The following MRRF variants were observed in gnomAD, a reference collection of about 807,000 sequenced individuals.
The protein encoded by MRRF is mitochondrial ribosome recycling factor.
Under a neutral mutation model 25.1 loss-of-function variants are expected in MRRF, and 18 were observed. The observed-to-expected ratio is 0.72, with a 90% CI of 0.50 to 1.06. MRRF has a LOEUF of 1.06. Ranked by LOEUF, MRRF falls within the 50% of genes least tolerant of loss-of-function variation. MRRF has a pLI of 0.00. For synonymous variants in MRRF, 113 were observed against 112.1 expected (o/e 1.01, Z -0.05); for missense variants, 323 against 319.3 (o/e 1.01, Z -0.09).
chr9:122,298,925 A>T (rs550319229), intron 5 of MRRF, among the ~76,000 whole-genome samples: 1 of 152,264 alleles, frequency 6.6e-6, no homozygotes, highest in Admixed American at 6.5e-5. Context: ...ATTCAGAGGA[A>T]GGTGATACTT....
chr9:122,284,956 A>T (rs1030961978), intron 3 of MRRF, among the ~76,000 whole-genome samples: 4 of 151,412 alleles, frequency 2.6e-5, no homozygotes, highest in African/African-American at 4.8e-5. Flanking sequence ...CCTGCTAATT[A>T]AAAAAAAATG....
At position 122,326,997 on chromosome 9, in the gene MRRF, A is replaced by T. The variant is rs1232460387; in HGVS notation, c.*4380A>T. ...CCAAGTCTTCGCTGAACACTTACTC[A>T]AAAGGGACCTCGCGCTGTTCTGGAC... On this transcript the variant is annotated 3_prime_UTR_variant, in exon 7 of 7. Coordinates refer to ENST00000344641, the MANE Select transcript of MRRF (RefSeq NM_138777.5). 2 of 152,226 alleles carry T rather than the reference A, an allele frequency of 1.3e-5. No homozygotes were observed. The highest frequency in any genetic ancestry group is 4.8e-5 in the African/African-American group (2 of 41,450). The allele number at this position is 152,226 out of a possible 1,614,324, so 9.4% of individuals were successfully genotyped here. A position where few individuals can be genotyped will look rare whatever the true frequency, so the allele number is the denominator to read the frequency against.
intron 2 of MRRF, among the ~76,000 whole-genome samples, chr9:122,274,136 G>A (rs1465443771): frequency 6.6e-6 from 1 of 152,116 alleles, no homozygotes. Flanking sequence ...TGTGACTGGT[G>A]ATAATAGGCA....
At chr9:122,322,223 C>G (rs943998522) in intron 6 of MRRF, among the ~76,000 whole-genome samples, 1 of 151,924 alleles carries the variant, frequency 6.6e-6, no homozygotes, top group Non-Finnish European at 1.5e-5. Context: ...ATTAGCCGGG[C>G]GCGGTGGCGG....
At chr9:122,304,565 G>A (rs1255889171) in intron 5 of MRRF, among the ~76,000 whole-genome samples, 1 of 152,148 alleles carries the variant, frequency 6.6e-6, no homozygotes, top group African/African-American at 2.4e-5. Flanking sequence ...GGCTACTCTT[G>A]TCTCTGCCCC....
intron 2 of MRRF, among the ~76,000 whole-genome samples, chr9:122,275,605 C>T (rs563515845): frequency 6.6e-6 from 1 of 152,274 alleles, no homozygotes; most frequent in South Asian, 2.1e-4. Context: ...CCACTGCACT[C>T]CAGTCTGGGT....
chr9:122,285,655 A>C (rs1833348537), intron 4 of MRRF: 5 of 716,844 alleles, frequency 7.0e-6, no homozygotes, highest in Non-Finnish European at 1.0e-5. Context: ...GGCACAATGT[A>C]GGCCTGGTAA....
intron 2 of MRRF, among the ~76,000 whole-genome samples, chr9:122,276,608 CTG>C (rs1588013976): frequency 6.6e-6 from 1 of 152,168 alleles, no homozygotes; most frequent in East Asian, 1.9e-4. Context: ...TAATTCTACT[CTG>C]TTCAGAAGGC....
chr9:122,299,850 A>G (rs1834332914), intron 5 of MRRF, among the ~76,000 whole-genome samples: 1 of 151,852 alleles, frequency 6.6e-6, no homozygotes, highest in Non-Finnish European at 1.5e-5. Flanking sequence ...TTATTGATCA[A>G]TTAATCTGTC....
chr9:122,277,142 A>C (rs1002039406), intron 2 of MRRF, among the ~76,000 whole-genome samples: 40 of 152,192 alleles, frequency 2.6e-4, no homozygotes, highest in African/African-American at 9.7e-4. Flanking sequence ...TTACAAGTGT[A>C]AGTCACTGCA....
chr9:122,283,059 G>A (rs186210314), intron 3 of MRRF, among the ~76,000 whole-genome samples: 5 of 150,920 alleles, frequency 3.3e-5, no homozygotes, highest in East Asian at 1.9e-4. Flanking sequence ...CTGTCATTTA[G>A]TATTCATAAA....
Position 122,278,777 on chromosome 9 carries a change from T to C in MRRF, c.185-1666T>C, listed in dbSNP as rs114558812. ...TAATTTGTCTTTTCTCTTGGGCGTTTATAAAGATCTCTTTGTCCTTTGTTT... is the reference window on the plus strand; with the variant it reads ...TAATTTGTCTTTTCTCTTGGGCGTTCATAAAGATCTCTTTGTCCTTTGTTT... On this transcript the variant is annotated intron_variant, in intron 2 of 6. Transcript: ENST00000344641. Among the ~76,000 whole-genome samples the C allele has an allele frequency of 5.2e-3, 790 of 152,350 alleles. 5 individuals carry two copies. The highest frequency in any genetic ancestry group is 0.018 in the African/African-American group (768 of 41,586).
At chr9:122,293,759 C>A (rs150044650) in intron 5 of MRRF, among the ~76,000 whole-genome samples, 1 of 152,116 alleles carries the variant, frequency 6.6e-6, no homozygotes, top group East Asian at 1.9e-4. Context: ...GATGTATAGA[C>A]GTGATGTATG....
At position 122,274,987 on chromosome 9, in the gene MRRF, T is replaced by C. The variant is rs566261022; in HGVS notation, c.184+3912T>C. 1.3e-4 allele frequency among the ~76,000 whole-genome samples: 20 copies of C among 152,214 alleles called. No homozygotes were observed. The South Asian group carries it at 4.1e-3, about 32-fold the overall frequency. On this transcript the variant is annotated intron_variant, in intron 2 of 6. Coordinates refer to ENST00000344641, the MANE Select transcript of MRRF (RefSeq NM_138777.5). ...TTAATTTTTGGTCTTTCCTGTTTTC[T>C]TTTTTTCTTTGAAAAATTTTATTAT...
rs372204704 is a variant in MRRF, at chr9:122,291,405, C to T, written c.460-344C>T. 2.0e-5 allele frequency among the ~76,000 whole-genome samples: 3 copies of T among 152,310 alleles called. No homozygotes were observed. In the East Asian group the frequency reaches 5.8e-4, roughly 29 times the overall value. On this transcript the variant is annotated intron_variant, in intron 4 of 6. Transcript: ENST00000344641. Reference sequence around the variant, plus strand: ...GTATGAAATCTTTCATCTGTCTTTACACCAATCTTTGCAGAGACCAGCCCC... The same window carrying T: ...GTATGAAATCTTTCATCTGTCTTTATACCAATCTTTGCAGAGACCAGCCCC...
chr9:122,286,532 C>T (rs1833418103), intron 4 of MRRF, among the ~76,000 whole-genome samples: 1 of 152,080 alleles, frequency 6.6e-6, no homozygotes, highest in African/African-American at 2.4e-5. Context: ...TAGTGAAACC[C>T]TGGCTCTACA....
At chr9:122,265,593 C>CA (rs1832017209) in intron 1 of MRRF, 1 of 392,682 alleles carries the variant, frequency 2.5e-6, no homozygotes, top group Admixed American at 3.4e-5. Context: ...CATTTCCCCC[C>CA]ATTTTGGAAA....
intron 5 of MRRF, among the ~76,000 whole-genome samples, chr9:122,304,609 A>G (rs1834718108): frequency 6.6e-6 from 1 of 152,110 alleles, no homozygotes; most frequent in African/African-American, 2.4e-5. Context: ...TCATGCACCT[A>G]TTTATGGTAC....
At chr9:122,289,319 T>TG (rs1833607185) in intron 4 of MRRF, among the ~76,000 whole-genome samples, 1 of 152,218 alleles carries the variant, frequency 6.6e-6, no homozygotes, top group Non-Finnish European at 1.5e-5. Context: ...ACTGAGCACT[T>TG]ACCATGTACC....
Sources: gnomAD v4.1 joint callset for allele counts (sites outside exome capture counted in the v4.1 genomes callset) on GRCh38, gnomAD v4.1.1 for gene constraint, MANE v1.5 for transcripts, NCBI Gene and HGNC (gene_info 2026-07-23, HGNC 2026-07-21) for gene names.